The following SHOX variants were observed in gnomAD, a reference collection of about 807,000 sequenced individuals.
SHOX encodes the protein short stature homeobox protein.
SHOX carries 12 observed loss-of-function variants against 29.6 expected under a neutral mutation model. The ratio of observed to expected loss-of-function variants is 0.41; its 90% CI spans 0.26 to 0.66. The LOEUF is 0.66. SHOX is among the 30% of genes least tolerant of loss of function. The pLI is 0.35. For missense variants in SHOX, 499 were observed against 437.7 expected, an observed-to-expected ratio of 1.14 and a Z score of -1.25; for synonymous variants, 214 against 200.6, an observed-to-expected ratio of 1.07 and a Z score of -0.57.
chrX:657,756 C>T (rs1334068016), intron 5 of SHOX, among the ~76,000 whole-genome samples: 1 of 152,132 alleles, frequency 6.6e-6, no homozygotes, highest in Non-Finnish European at 1.5e-5. Context: ...TAAAATACGA[C>T]GTGCACACAC....
chrX:649,945 C>G lies in SHOX; in HGVS notation c.*5309C>G, dbSNP rs914164562. The G allele has an allele frequency of 4.4e-6, 2 of 455,948 alleles. No homozygotes were observed. The highest frequency in any genetic ancestry group is 8.8e-6 in the Non-Finnish European group (2 of 226,818). The allele number at this position is 455,948 out of a possible 1,614,324, so 28.2% of individuals were successfully genotyped here. ...TTCTCTCTCTCTGACTGCGAAGCAC[C>G]CACAGGGAGAAGGAATTGGATGTAT... On this transcript the variant is annotated 3_prime_UTR_variant, in exon 5 of 5. Coordinates refer to ENST00000686671, the MANE Select transcript of SHOX (RefSeq NM_000451.4).
rs955667302 is a variant in SHOX, at chrX:644,831, G to T, written c.*195G>T. On this transcript the variant is annotated 3_prime_UTR_variant, in exon 5 of 5. Coordinates refer to ENST00000686671, the MANE Select transcript of SHOX (RefSeq NM_000451.4). Reference sequence around the variant, plus strand: ...CGCACGACCCAGCCAGACCCTCGCGGAGATGGTGCAGAAGGCGGAGCGGGT... The same window carrying T: ...CGCACGACCCAGCCAGACCCTCGCGTAGATGGTGCAGAAGGCGGAGCGGGT... 3 of 713,306 alleles carry T rather than the reference G, an allele frequency of 4.2e-6. No homozygotes were observed. The highest frequency in any genetic ancestry group is 6.2e-5 in the South Asian group (2 of 32,476). The allele number at this position is 713,306 out of a possible 1,614,324, so 44.2% of individuals were successfully genotyped here.
At chrX:626,483 TTC>T (rs1370584913), upstream of SHOX, among the ~76,000 whole-genome samples, 1 of 137,802 alleles carries the variant, frequency 7.3e-6, no homozygotes, top group Non-Finnish European at 1.6e-5. Flanking sequence ...CTGTCTCTCT[TTC>T]TCTCTCTCCT....
At position 645,471 on chromosome X, in the gene SHOX, G is replaced by A. The variant is rs1335470783; in HGVS notation, c.*835G>A. 1.4e-5 allele frequency: 2 copies of A among 140,378 alleles called. No homozygotes were observed. Among genetic ancestry groups the A allele is most frequent in the Non-Finnish European group, 3.0e-5 (2 of 66,412 alleles). 8.7% of individuals were successfully genotyped at this position (140,378 alleles called of 1,614,324 possible). A position where few individuals can be genotyped will look rare whatever the true frequency, so the allele number is the denominator to read the frequency against. On this transcript the variant is annotated 3_prime_UTR_variant, in exon 5 of 5. Transcript: ENST00000686671. ...CAAAAGACTTGCATAAGAGACGGAC[G>A]CGTGGTTGCAAGGTGTCATACTGAT...
In SHOX at chrX:644,818, C is replaced by A; in HGVS notation, c.*182C>A. 2 of 785,448 alleles carry A rather than the reference C, an allele frequency of 2.5e-6. No homozygotes were observed. Among genetic ancestry groups the A allele is most frequent in the Non-Finnish European group, 3.6e-6 (2 of 554,642 alleles). The allele number at this position is 785,448 out of a possible 1,614,324, so 48.7% of individuals were successfully genotyped here. On this transcript the variant is annotated 3_prime_UTR_variant, in exon 5 of 5. Transcript: ENST00000686671. ...CCGGGACCGTCCACGCACGACCCAG[C>A]CAGACCCTCGCGGAGATGGTGCAGA...
At chrX:624,401 G>C (rs1178902345) in exon 1 of SHOX, 4 of 137,390 alleles carry the variant, frequency 2.9e-5, no homozygotes, top group African/African-American at 1.1e-4. Flanking sequence ...TTTTTTTTTG[G>C]TTTTGTTTTA....
upstream of SHOX, among the ~76,000 whole-genome samples, chrX:625,870 G>C (rs1243880369): frequency 9.1e-6 from 1 of 109,988 alleles, no homozygotes; most frequent in African/African-American, 3.4e-5. Flanking sequence ...GTCTATCTCT[G>C]TCTCTCTTTC....
chrX:631,307 G>T (rs1169716367), intron 1 of SHOX, 133 bp downstream of exon 1: 13 of 1,179,134 alleles, frequency 1.1e-5, no homozygotes, highest in African/African-American at 7.6e-5. Context: ...GGCCCGGGCC[G>T]TCAGGCTTTG....
In SHOX at chrX:644,665, A is replaced by ACTCCCGGG; in HGVS notation, c.*34_*41dup. 5 of 1,417,956 alleles carry ACTCCCGGG rather than the reference A, an allele frequency of 3.5e-6. No homozygotes were observed. In the South Asian group the frequency reaches 6.0e-5, roughly 17 times the overall value. 87.8% of individuals were successfully genotyped at this position (1,417,956 alleles called of 1,614,324 possible). ...GCCGCGCAGCCCCCCGCGCGCCCGG[A>ACTCCCGGG]CTCCCGGGCTCCGCGCACCCCGCCT... On this transcript the variant is annotated 3_prime_UTR_variant, in exon 5 of 5. Coordinates refer to ENST00000686671, the MANE Select transcript of SHOX (RefSeq NM_000451.4).
intron 1 of SHOX, chrX:624,708 T>TCTTTCTTC (rs2052473158): frequency 7.6e-6 from 1 of 132,398 alleles, no homozygotes; most frequent in Non-Finnish European, 1.6e-5. Flanking sequence ...TTCTTTTCTT[T>TCTTTCTTC]CTTTCTTTCT....
chrX:644,362 C>T, intron 4 of SHOX, 29 bp from the exon 5 acceptor site: 1 of 1,514,132 alleles, frequency 6.6e-7, no homozygotes, highest in Non-Finnish European at 8.8e-7. Flanking sequence ...CCATCCTGCG[C>T]CCTCACCCCG....
Position 650,819 on chromosome X carries a change from A to AAAAAAT in SHOX, c.*6183_*6184insAAAAAT. Among the ~76,000 whole-genome samples, 2 of 148,002 alleles carry AAAAAAT rather than the reference A, an allele frequency of 1.4e-5. No homozygotes were observed. The highest frequency in any genetic ancestry group is 3.0e-5 in the Non-Finnish European group (2 of 67,194). ...AAAAAAAAAAAAAAAAAAAAAAAAA[A>AAAAAAT]CTGGTGCCTAATTTATTAAAGAGAA... On this transcript the variant is annotated 3_prime_UTR_variant, in exon 5 of 5. Coordinates refer to ENST00000686671, the MANE Select transcript of SHOX (RefSeq NM_000451.4).
chrX:638,772 G>C (rs774765782), intron 2 of SHOX, among the ~76,000 whole-genome samples: 1 of 152,222 alleles, frequency 6.6e-6, no homozygotes, highest in African/African-American at 2.4e-5. Flanking sequence ...TGCACAGTGT[G>C]TAAGGGTGGC....
At position 645,131 on chromosome X, in the gene SHOX, G is replaced by C. The variant is rs2052942022; in HGVS notation, c.*495G>C. The C allele has an allele frequency of 1.3e-5, 2 of 153,274 alleles. No individual in the cohort carries two copies. Among genetic ancestry groups the C allele is most frequent in the South Asian group, 4.1e-4 (2 of 4,842 alleles). 9.5% of individuals were successfully genotyped at this position (153,274 alleles called of 1,614,324 possible). A position where few individuals can be genotyped will look rare whatever the true frequency, so the allele number is the denominator to read the frequency against. On this transcript the variant is annotated 3_prime_UTR_variant, in exon 5 of 5. Transcript: ENST00000686671. Reference sequence around the variant, plus strand: ...GAGGCTGCGGAACGGGTGTGGATTTGAATGTGGACTTCGGAATCCCAGGAG... The same window carrying C: ...GAGGCTGCGGAACGGGTGTGGATTTCAATGTGGACTTCGGAATCCCAGGAG...
chrX:655,147 C>CG (rs2053119410), downstream of SHOX, among the ~76,000 whole-genome samples: 2 of 150,924 alleles, frequency 1.3e-5, no homozygotes, highest in East Asian at 2.0e-4. Context: ...CTTGCTCTGT[C>CG]ACCAGGCAGG....
intron 2 of SHOX, among the ~76,000 whole-genome samples, chrX:635,573 T>C (rs1392375962): frequency 1.3e-5 from 2 of 152,098 alleles, no homozygotes; most frequent in African/African-American, 4.8e-5. Flanking sequence ...CGGAGACTAT[T>C]AGCGGGGCAC....
intron 5 of SHOX, among the ~76,000 whole-genome samples, chrX:658,039 A>C (rs28499466): frequency 0.32 from 49,148 of 151,772 alleles, 9,500 homozygotes; most frequent in Middle Eastern, 0.49. Context: ...CAATGGCGTG[A>C]TCTCGGCTCA....
upstream of SHOX, among the ~76,000 whole-genome samples, chrX:630,023 G>A (rs2052618579): frequency 2.0e-5 from 3 of 152,120 alleles, no homozygotes; most frequent in Admixed American, 2.0e-4. Context: ...CCGGGATCTG[G>A]CGCGGGCGGA....
chrX:630,559 G>T, upstream of SHOX: 1 of 450,224 alleles, frequency 2.2e-6, no homozygotes, highest in Non-Finnish European at 4.0e-6. Flanking sequence ...CTGCGCGCGC[G>T]CTCTCCCTTC....
Sources: gnomAD v4.1 joint callset for allele counts (sites outside exome capture counted in the v4.1 genomes callset) on GRCh38, gnomAD v4.1.1 for gene constraint, MANE v1.5 for transcripts, NCBI Gene and HGNC (gene_info 2026-07-23, HGNC 2026-07-21) for gene names.